The following ANXA3 variants were observed in gnomAD, a reference collection of about 807,000 sequenced individuals.
ANXA3 encodes the protein 35-alpha calcimedin.
In ANXA3, 46 loss-of-function variants were observed where a neutral mutation model predicts 48.8. The observed-to-expected ratio is 0.94, with a 90% confidence interval of 0.74 to 1.21. The LOEUF (loss-of-function observed/expected upper bound fraction) is 1.21, where lower values mean the gene tolerates loss of function less well. ANXA3 is among the 50% of genes most tolerant of loss of function. The pLI is 0.00. For synonymous variants in ANXA3, 128 were observed against 134.7 expected, an observed-to-expected ratio of 0.95 and a Z score of 0.35; for missense variants, 383 against 378.6, an observed-to-expected ratio of 1.01 and a Z score of -0.10.
chr4:78,553,855 T>C (rs1293892465), intron 1 of ANXA3: 2 of 152,152 alleles, frequency 1.3e-5, no homozygotes, highest in Admixed American at 6.5e-5. Context: ...TTAAGAAAAA[T>C]GTGTCTGGCT....
intron 2 of ANXA3, among the ~76,000 whole-genome samples, chr4:78,568,906 C>T (rs1472900716): frequency 5.3e-5 from 8 of 152,228 alleles, no homozygotes; most frequent in Admixed American, 5.2e-4. Flanking sequence ...GGAGCAAAGA[C>T]TGTTGGAACA....
chr4:78,609,659 A>G (rs1723716386), intron 12 of ANXA3, among the ~76,000 whole-genome samples: 1 of 152,196 alleles, frequency 6.6e-6, no homozygotes, highest in African/African-American at 2.4e-5. Flanking sequence ...TATAGTACCT[A>G]TTGCAGAGAG....
chr4:78,569,622 TA>T (rs2109930533), intron 2 of ANXA3, among the ~76,000 whole-genome samples: 1 of 152,360 alleles, frequency 6.6e-6, no homozygotes, highest in South Asian at 2.1e-4. Flanking sequence ...GAAGGTTTGT[TA>T]AATCGCAGAT....
chr4:78,564,626 G>T (rs1216244066), intron 2 of ANXA3, among the ~76,000 whole-genome samples: 1 of 152,200 alleles, frequency 6.6e-6, no homozygotes, highest in African/African-American at 2.4e-5. Flanking sequence ...ATTACTCAAT[G>T]CTGAGTGCCC....
intron 2 of ANXA3, 39 bp downstream of exon 2, chr4:78,554,527 A>G: frequency 2.5e-6 from 4 of 1,600,976 alleles, no homozygotes; most frequent in Non-Finnish European, 3.4e-6. Context: ...AGTAACATAT[A>G]TGAGTCAAAC....
At chr4:78,569,514 T>G (rs867239866) in intron 2 of ANXA3, among the ~76,000 whole-genome samples, 12 of 152,332 alleles carry the variant, frequency 7.9e-5, no homozygotes, top group African/African-American at 2.6e-4. Flanking sequence ...ATAAGAGAAT[T>G]CATGGCTTGT....
chr4:78,602,791 T>C (rs1723572144), intron 11 of ANXA3: 2 of 152,472 alleles, frequency 1.3e-5, no homozygotes, highest in Admixed American at 1.3e-4. Context: ...CCCCTTCCCC[T>C]GTTCAGTCAT....
At chr4:78,580,783 G>T (rs1174588253) in intron 4 of ANXA3, among the ~76,000 whole-genome samples, 1 of 152,194 alleles carries the variant, frequency 6.6e-6, no homozygotes, top group Non-Finnish European at 1.5e-5. Context: ...TCCCATGAGG[G>T]CAGAATGCCT....
intron 12 of ANXA3, 152 bp from the exon 13 acceptor site, chr4:78,609,904 A>C (rs72607863): frequency 0.14 from 61,008 of 433,928 alleles, 5,043 homozygotes; most frequent in East Asian, 0.32. Context: ...TCAGGTATGA[A>C]TGAATGATGG....
At chr4:78,592,638 T>C (rs1723323690) in intron 7 of ANXA3, among the ~76,000 whole-genome samples, 1 of 152,204 alleles carries the variant, frequency 6.6e-6, no homozygotes, top group Admixed American at 6.5e-5. Context: ...TGGAATCTCA[T>C]GCTGCCAACT....
At chr4:78,569,264 AT>A (rs372266429) in intron 2 of ANXA3, among the ~76,000 whole-genome samples, 1,751 of 147,040 alleles carry the variant, frequency 0.012, 16 homozygotes, top group African/African-American at 0.028. Flanking sequence ...ATCAAAGGCA[AT>A]TTTTTTTTTT....
At chr4:78,581,927 C>T (rs1460644085) in intron 4 of ANXA3, among the ~76,000 whole-genome samples, 1 of 152,196 alleles carries the variant, frequency 6.6e-6, no homozygotes, top group African/African-American at 2.4e-5. Flanking sequence ...AATACAGTTC[C>T]TAACTGTGGC....
At chr4:78,609,114 A>C (rs1049053071) in intron 12 of ANXA3, among the ~76,000 whole-genome samples, 11 of 152,292 alleles carry the variant, frequency 7.2e-5, no homozygotes, top group African/African-American at 2.2e-4. Context: ...AAAACAGAAA[A>C]ATATATATAA....
intron 11 of ANXA3, chr4:78,602,575 T>G (rs1448426972): frequency 6.6e-6 from 1 of 152,246 alleles, no homozygotes; most frequent in Non-Finnish European, 1.5e-5. Flanking sequence ...GCCGTAACCC[T>G]GTGTTTGCTT....
In ANXA3 at chr4:78,604,336, C is replaced by T. The variant is rs749078089; in HGVS notation, c.849C>T (p.Asp283=). ...NRIMVSRSEI[D]LLDIRTEFKK... The stretch of plus-strand genomic sequence containing the variant: ...TAATGGTGTCCAGATCAGAAATTGA[C>T]CTTTTGGACATTCGAACAGAGTTCA... Residue 283 remains aspartate, a synonymous_variant, in exon 12 of 13, where the codon GAC becomes GAT. Coordinates refer to ENST00000264908, the MANE Select transcript of ANXA3 (RefSeq NM_005139.3). 13 of 1,613,206 alleles carry T rather than the reference C, an allele frequency of 8.1e-6. No individual in the cohort carries two copies. The highest frequency in any genetic ancestry group is 1.1e-5 in the Non-Finnish European group (13 of 1,179,394).
chr4:78,582,468 T>C (rs527881022), intron 5 of ANXA3, 178 bp downstream of exon 5: 1 of 490,714 alleles, frequency 2.0e-6, no homozygotes, highest in Admixed American at 3.7e-5. Flanking sequence ...GCCCAAATGT[T>C]CCTGGGCTGG....
chr4:78,562,725 TA>T (rs1398086928), intron 2 of ANXA3, among the ~76,000 whole-genome samples: 1 of 152,170 alleles, frequency 6.6e-6, no homozygotes, highest in Non-Finnish European at 1.5e-5. Flanking sequence ...ATGTACAGTA[TA>T]AAAAGACAGT....
intron 2 of ANXA3, among the ~76,000 whole-genome samples, chr4:78,554,756 A>G (rs968060741): frequency 1.5e-4 from 23 of 152,254 alleles, no homozygotes; most frequent in African/African-American, 2.2e-4. Flanking sequence ...GGAATTTATT[A>G]TATGAAAAAG....
chr4:78,573,890 C>T (rs1281826828), intron 3 of ANXA3, among the ~76,000 whole-genome samples: 1 of 152,150 alleles, frequency 6.6e-6, no homozygotes, highest in Non-Finnish European at 1.5e-5. Flanking sequence ...TAGGTCAAAT[C>T]CAGCGCCATG....
Sources: gnomAD v4.1 joint callset for allele counts (sites outside exome capture counted in the v4.1 genomes callset) on GRCh38, gnomAD v4.1.1 for gene constraint, MANE v1.5 for transcripts, NCBI Gene and HGNC (gene_info 2026-07-23, HGNC 2026-07-21) for gene names.